Variants in HDAC4 observed in about 807,000 individuals in gnomAD.
The protein encoded by HDAC4 is histone deacetylase 4, also known as histone deacetylase A.
In HDAC4, 16 loss-of-function variants were observed where a neutral mutation model predicts 135.1. The observed-to-expected ratio is 0.12, with a 90% CI of 0.08 to 0.18. HDAC4 has a LOEUF of 0.18. HDAC4 is among the 10% of genes least tolerant of loss of function. The pLI is 1.00. For missense variants in HDAC4, 1,143 were observed against 1,511.8 expected, an observed-to-expected ratio of 0.76 and a Z score of 4.05; for synonymous variants, 685 against 653.4, an observed-to-expected ratio of 1.05 and a Z score of -0.74.
chr2:239,181,167 C>T (rs1223872780), intron 4 of HDAC4, among the ~76,000 whole-genome samples: 2 of 152,246 alleles, frequency 1.3e-5, no homozygotes, highest in African/African-American at 4.8e-5. Context: ...TGTCCACAAA[C>T]ACGCCCACCC....
In HDAC4 at chr2:239,366,725, T is replaced by A. The variant is rs115777940; in HGVS notation, c.-219-13807A>T. On this transcript the variant is annotated intron_variant, in intron 1 of 26. Coordinates refer to ENST00000543185, the MANE Select transcript of HDAC4 (RefSeq NM_001378414.1). ...GCTGGGCTCAATGGATCATTTAACA[T>A]CAACTGCCATGAACACCCCGAGAGA... 8.0e-3 allele frequency among the ~76,000 whole-genome samples: 1,221 copies of A among 152,146 alleles called. 13 individuals are homozygous for A. Among genetic ancestry groups the A allele is most frequent in the African/African-American group, 0.028 (1,163 of 41,476 alleles).
chr2:239,108,211 A>G (rs1340638978), intron 14 of HDAC4, 28 bp from the exon 15 acceptor site: 29 of 1,582,658 alleles, frequency 1.8e-5, no homozygotes, highest in African/African-American at 2.7e-5. Context: ...GGCCAAGATC[A>G]GCGCACATCC....
intron 22 of HDAC4, among the ~76,000 whole-genome samples, chr2:239,069,436 A>G (rs1253192920): frequency 5.3e-4 from 36 of 68,462 alleles, no homozygotes; most frequent in South Asian, 1.4e-3. Flanking sequence ...AAGCCCCACG[A>G]CACTTGCTTA....
intron 24 of HDAC4, among the ~76,000 whole-genome samples, chr2:239,059,458 G>A (rs1244161198): frequency 6.6e-6 from 1 of 152,192 alleles, no homozygotes; most frequent in Non-Finnish European, 1.5e-5. Flanking sequence ...GACAACCCCA[G>A]GGATGAAAGG....
intron 3 of HDAC4, among the ~76,000 whole-genome samples, chr2:239,212,155 T>A (rs567404450): frequency 6.6e-6 from 1 of 152,120 alleles, no homozygotes; most frequent in Admixed American, 6.5e-5. Flanking sequence ...AAGAAACAGA[T>A]AAAAGTGATG....
In HDAC4 at chr2:239,331,875, G is replaced by A. The variant is rs1691601975; in HGVS notation, c.22+20803C>T. On this transcript the variant is annotated intron_variant, in intron 2 of 26. Transcript: ENST00000543185. This position sits in a 1 kb window ranked among gnomAD's most constrained non-coding sequence, Gnocchi z 4.5. ...CCGGACGGCTCGGACCCTGGGAAAC[G>A]AACGCCAGACTGAGCGTGGGGGTGA... Among the ~76,000 whole-genome samples, 1 of 152,150 alleles carries A rather than the reference G, an allele frequency of 6.6e-6. No homozygotes were observed. Among genetic ancestry groups the A allele is most frequent in the South Asian group, 2.1e-4 (1 of 4,824 alleles).
intron 8 of HDAC4, among the ~76,000 whole-genome samples, chr2:239,142,061 C>T (rs1339032464): frequency 2.6e-5 from 4 of 152,072 alleles, no homozygotes; most frequent in South Asian, 4.2e-4. Flanking sequence ...TGCGGGAAGG[C>T]GTGCAGAGTG....
chr2:239,212,248 G>C (rs2046385779), intron 3 of HDAC4, among the ~76,000 whole-genome samples: 1 of 152,062 alleles, frequency 6.6e-6, no homozygotes, highest in African/African-American at 2.4e-5. Flanking sequence ...TGGTTGAAAG[G>C]GTCTTTCTAC....
chr2:239,111,803 C>T (rs573290468), intron 13 of HDAC4, 91 bp from the exon 14 acceptor site: 46 of 1,212,928 alleles, frequency 3.8e-5, no homozygotes, highest in South Asian at 2.9e-4. Context: ...GCAAGTCTCC[C>T]GTCCACGCAC....
chr2:239,201,187 C>T (rs2045733675), intron 3 of HDAC4, among the ~76,000 whole-genome samples: 1 of 152,204 alleles, frequency 6.6e-6, no homozygotes, highest in Non-Finnish European at 1.5e-5. Context: ...CCCTGGCATC[C>T]TAACCTGGCT....
rs761348254 is a variant in HDAC4, at chr2:239,189,993, G to C, written c.179C>G (p.Pro60Arg). Residue 60 changes from proline (P) to arginine (R), a missense_variant, in exon 4 of 27, where the codon CCT (proline) becomes CGT (arginine). Pro to Arg is a moderately radical substitution (Grantham distance 103). Around this residue, in one of 9 missense-constraint regions of HDAC4, gnomAD observed 247 missense variants for 310.0 expected, o/e 0.80. Transcript: ENST00000543185. The stretch of plus-strand genomic sequence containing the variant: ...CTCCCGCAGGGCCGGCTCTGCCACA[G>C]GCAGTGAGAACTGGTGGTCCAGGCG... The part of the protein sequence containing the change: ...DLRLDHQFSL[P>R]VAEPALREQQ... 6.2e-7 allele frequency: 1 copy of C among 1,606,662 alleles called. No homozygotes were observed. The highest frequency in any genetic ancestry group is 8.5e-7 in the Non-Finnish European group (1 of 1,179,904).
intron 1 of HDAC4, among the ~76,000 whole-genome samples, chr2:239,379,351 G>A (rs1054820065): frequency 7.9e-5 from 12 of 152,312 alleles, no homozygotes; most frequent in African/African-American, 1.2e-4. Context: ...AAAGCAGAGC[G>A]TGTGATGATG....
rs1427633680 is a variant in HDAC4, at chr2:239,299,661, A to G, written c.22+53017T>C. Among the ~76,000 whole-genome samples, 1 of 152,230 alleles carries G rather than the reference A, an allele frequency of 6.6e-6. No individual in the cohort carries two copies. Among genetic ancestry groups the G allele is most frequent in the Non-Finnish European group, 1.5e-5 (1 of 68,036 alleles). On this transcript the variant is annotated intron_variant, in intron 2 of 26. Transcript: ENST00000543185. This position sits in a 1 kb window ranked among gnomAD's most constrained non-coding sequence, Gnocchi z 4.0. ...GAAACAAAAGCCAATTCCTTGAGTG[A>G]GAAGCGTCATGGGTAGAATCACGGA...
intron 3 of HDAC4, among the ~76,000 whole-genome samples, chr2:239,231,277 G>A (rs2047537228): frequency 6.6e-6 from 1 of 152,164 alleles, no homozygotes; most frequent in African/African-American, 2.4e-5. Flanking sequence ...CAGCATCCCG[G>A]TCTTAACATC....
At chr2:239,131,429 C>A (rs765537229) in intron 11 of HDAC4, among the ~76,000 whole-genome samples, 17 of 152,146 alleles carry the variant, frequency 1.1e-4, no homozygotes, top group Non-Finnish European at 2.5e-4. Context: ...AGCAAGAGTT[C>A]GTCAAAAACT....
Position 239,240,627 on chromosome 2 carries a change from C to T in HDAC4, c.23-3963G>A, listed in dbSNP as rs549601209. ...GGAAACCCTGCTGGACAGGGACGAT[C>T]GTACTGAGTGTCCTCAAACAGCATT... On this transcript the variant is annotated intron_variant, in intron 2 of 26. Transcript: ENST00000543185. The surrounding 1 kb of genome is among the most constrained non-coding windows in gnomAD (Gnocchi z 4.5). Among the ~76,000 whole-genome samples, 10 of 152,324 alleles carry T rather than the reference C, an allele frequency of 6.6e-5. No individual in the cohort carries two copies. The highest frequency in any genetic ancestry group is 1.2e-4 in the African/African-American group (5 of 41,584).
At position 239,299,496 on chromosome 2, in the gene HDAC4, G is replaced by T. The variant is rs188763718; in HGVS notation, c.22+53182C>A. On this transcript the variant is annotated intron_variant, in intron 2 of 26. Transcript: ENST00000543185. The surrounding 1 kb of genome is among the most constrained non-coding windows in gnomAD (Gnocchi z 4.0). Reference sequence around the variant, plus strand: ...CCGAAACCAGAAGAGACATGCACACGAGGCAGGGCGAGTGGTGTTTATTAC... The same window carrying T: ...CCGAAACCAGAAGAGACATGCACACTAGGCAGGGCGAGTGGTGTTTATTAC... Among the ~76,000 whole-genome samples the T allele has an allele frequency of 2.6e-3, 402 of 151,750 alleles. 1 individual carries two copies. Among genetic ancestry groups the T allele is most frequent in the Non-Finnish European group, 4.0e-3 (273 of 68,020 alleles).
Position 239,053,088 on chromosome 2 carries a change from G to C in HDAC4, c.*9C>G, listed in dbSNP as rs765249256. 8.7e-6 allele frequency: 14 copies of C among 1,614,166 alleles called. No individual in the cohort carries two copies. Among genetic ancestry groups the C allele is most frequent in the South Asian group, 1.1e-5 (1 of 91,084 alleles). On this transcript the variant is annotated 3_prime_UTR_variant, in exon 27 of 27. Coordinates refer to ENST00000543185, the MANE Select transcript of HDAC4 (RefSeq NM_001378414.1). Reference sequence around the variant, plus strand: ...AGACAGACAAGAGAACAGCAGCTTCGAGGGAGTGCTACAGGGGCGGCTCCT... The same window carrying C: ...AGACAGACAAGAGAACAGCAGCTTCCAGGGAGTGCTACAGGGGCGGCTCCT...
Position 239,181,169 on chromosome 2 carries a change from C to T in HDAC4, c.340-4606G>A, listed in dbSNP as rs145349811. 9.6e-4 allele frequency among the ~76,000 whole-genome samples: 147 copies of T among 152,384 alleles called. 1 individual carries two copies. In the East Asian group the frequency reaches 0.023, roughly 24 times the overall value. ...AGATGAAAAGCCCTGTCCACAAACA[C>T]GCCCACCCACCTACAGCCCTCACAA... On this transcript the variant is annotated intron_variant, in intron 4 of 26. Coordinates refer to ENST00000543185, the MANE Select transcript of HDAC4 (RefSeq NM_001378414.1).
Sources: allele counts gnomAD v4.1 joint callset (sites outside exome capture counted in the v4.1 genomes callset), GRCh38; gene constraint gnomAD v4.1.1; regional missense constraint gnomAD v4.1.1; non-coding constraint Gnocchi (gnomAD v3.1); transcripts MANE v1.5; gene names NCBI Gene and HGNC (gene_info 2026-07-23, HGNC 2026-07-21).